The following MALRD1 variants were observed in gnomAD, a reference collection of about 807,000 sequenced individuals.
MALRD1 encodes the protein MAM and LDL receptor class A domain containing 1.
In MALRD1, 247 loss-of-function variants were observed where a neutral mutation model predicts 242.1. The ratio of observed to expected loss-of-function variants is 1.02; its 90% CI spans 0.92 to 1.13. The LOEUF (loss-of-function observed/expected upper bound fraction) is 1.13, where lower values mean the gene tolerates loss of function less well. MALRD1 is among the 50% of genes most tolerant of loss of function. The probability of loss-of-function intolerance (pLI) is 0.00; values close to 1 mark genes in which losing one functional copy is unlikely to be tolerated. For synonymous variants in MALRD1, 995 were observed against 866.6 expected, an observed-to-expected ratio of 1.15 and a Z score of -2.60; for missense variants, 2,989 against 2,533.1, an observed-to-expected ratio of 1.18 and a Z score of -3.86.
intron 36 of MALRD1, among the ~76,000 whole-genome samples, chr10:19,619,623 T>TA (rs1167602339): frequency 3.3e-5 from 5 of 152,034 alleles, no homozygotes; most frequent in Admixed American, 1.3e-4. Context: ...AAGAAAGGAA[T>TA]AAATAATAGC....
chr10:19,629,011 A>G (rs1839799183), intron 36 of MALRD1, among the ~76,000 whole-genome samples: 1 of 152,130 alleles, frequency 6.6e-6, no homozygotes, highest in African/African-American at 2.4e-5. Context: ...CCAGCTCACC[A>G]AGCCTTCTTC....
At chr10:19,709,557 A>T (rs1834015108) in intron 38 of MALRD1, among the ~76,000 whole-genome samples, 1 of 152,192 alleles carries the variant, frequency 6.6e-6, no homozygotes. Flanking sequence ...AATTATTTTA[A>T]GATCCTTTCC....
intron 28 of MALRD1, among the ~76,000 whole-genome samples, chr10:19,414,930 G>C (rs1833451012): frequency 6.6e-6 from 1 of 152,068 alleles, no homozygotes; most frequent in Non-Finnish European, 1.5e-5. Flanking sequence ...TTACAGACAG[G>C]ACCAAATGAT....
At chr10:19,710,396 G>T (rs142758597) in intron 38 of MALRD1, 37 of 152,070 alleles carry the variant, frequency 2.4e-4, no homozygotes, top group African/African-American at 8.0e-4. Flanking sequence ...ATTTCAAAAT[G>T]ATTTCCTTTT....
At chr10:19,458,029 T>G (rs556341012) in intron 29 of MALRD1, among the ~76,000 whole-genome samples, 1 of 152,254 alleles carries the variant, frequency 6.6e-6, no homozygotes, top group Non-Finnish European at 1.5e-5. Flanking sequence ...TTTCTTTACC[T>G]GATTATATAT....
chr10:19,123,109 C>T (rs747588510), intron 5 of MALRD1, among the ~76,000 whole-genome samples: 7 of 152,150 alleles, frequency 4.6e-5, no homozygotes, highest in Non-Finnish European at 1.0e-4. Context: ...TAAGGGGCGC[C>T]ATATCTTGTA....
At chr10:19,058,263 C>A (rs1834724990) in intron 1 of MALRD1, among the ~76,000 whole-genome samples, 1 of 152,188 alleles carries the variant, frequency 6.6e-6, no homozygotes, top group Non-Finnish European at 1.5e-5. Flanking sequence ...TACCAACCAC[C>A]ATACCATGCT....
chr10:19,395,212 A>G (rs1055060770), intron 28 of MALRD1, among the ~76,000 whole-genome samples: 2 of 152,154 alleles, frequency 1.3e-5, no homozygotes, highest in Non-Finnish European at 2.9e-5. Context: ...ATCTCAGTCA[A>G]TTTAGGAAGT....
intron 28 of MALRD1, among the ~76,000 whole-genome samples, chr10:19,390,576 A>G (rs140704163): frequency 4.5e-4 from 69 of 152,280 alleles, no homozygotes; most frequent in Middle Eastern, 6.8e-3. Flanking sequence ...AAGGAGATGT[A>G]TATGTGCACG....
At chr10:19,087,682 T>C (rs1835717948) in intron 2 of MALRD1, among the ~76,000 whole-genome samples, 158 bp from the exon 3 acceptor site, 1 of 152,074 alleles carries the variant, frequency 6.6e-6, no homozygotes, top group Non-Finnish European at 1.5e-5. Flanking sequence ...TAAGCATTGA[T>C]CTTTTATGTT....
At chr10:19,212,702 C>A (rs1837124221) in intron 18 of MALRD1, among the ~76,000 whole-genome samples, 1 of 151,016 alleles carries the variant, frequency 6.6e-6, no homozygotes, top group Non-Finnish European at 1.5e-5. Context: ...TTTTTTTATT[C>A]CCATCAGCAG....
Position 19,390,174 on chromosome 10 carries a change from A to G in MALRD1, c.4845+565A>G, listed in dbSNP as rs534949970. Among the ~76,000 whole-genome samples, 12 of 152,322 alleles carry G rather than the reference A, an allele frequency of 7.9e-5. No homozygotes were observed. In the East Asian group the frequency reaches 2.3e-3, roughly 29 times the overall value. ...ATAGTAATTAATCTAGGACACATAC[A>G]TTTCTTCTTCCTATTTAGTTGTTTC... On this transcript the variant is annotated intron_variant, in intron 28 of 39. Coordinates refer to ENST00000454679, the MANE Select transcript of MALRD1 (RefSeq NM_001142308.3).
At chr10:19,657,926 T>G (rs903653719) in intron 36 of MALRD1, among the ~76,000 whole-genome samples, 1 of 152,076 alleles carries the variant, frequency 6.6e-6, no homozygotes, top group Non-Finnish European at 1.5e-5. Flanking sequence ...GGCGGGTGGA[T>G]CACCTGAGGT....
At chr10:19,283,232 ATC>A in intron 21 of MALRD1, 51 bp downstream of exon 21, 2 of 1,353,294 alleles carry the variant, frequency 1.5e-6, no homozygotes, top group South Asian at 2.0e-5. Context: ...TTTATTAAGC[ATC>A]TCCCAAATTT....
At chr10:19,549,440 ACCACT>A (rs1040464548) in intron 32 of MALRD1, among the ~76,000 whole-genome samples, 2 of 152,142 alleles carry the variant, frequency 1.3e-5, no homozygotes, top group African/African-American at 2.4e-5. Context: ...AATTACCACA[ACCACT>A]CCACCCTTCA....
Position 19,099,763 on chromosome 10 carries a change from A to ATT in MALRD1, c.598-4209_598-4208dup, listed in dbSNP as rs201815577. 5.2e-3 allele frequency among the ~76,000 whole-genome samples: 774 copies of ATT among 149,322 alleles called. 9 individuals carry two copies. The highest frequency in any genetic ancestry group is 0.018 in the African/African-American group (724 of 40,816). ...CTCCATAGAACCTATATATATATAT[A>ATT]TTTTTTTTAATTTTTTTTGCCAGAT... On this transcript the variant is annotated intron_variant, in intron 4 of 39. Coordinates refer to ENST00000454679, the MANE Select transcript of MALRD1 (RefSeq NM_001142308.3).
At chr10:19,437,832 T>C (rs1408087295) in intron 28 of MALRD1, among the ~76,000 whole-genome samples, 1 of 152,158 alleles carries the variant, frequency 6.6e-6, no homozygotes, top group African/African-American at 2.4e-5. Flanking sequence ...ATATTTGGCT[T>C]CTAGAAATCT....
chr10:19,627,071 A>C (rs1839686099), intron 36 of MALRD1, among the ~76,000 whole-genome samples: 1 of 152,134 alleles, frequency 6.6e-6, no homozygotes, highest in South Asian at 2.1e-4. Flanking sequence ...AAATTAGTAT[A>C]AAATAGGTGG....
At chr10:19,505,332 C>T (rs561232873) in intron 31 of MALRD1, among the ~76,000 whole-genome samples, 22 of 152,198 alleles carry the variant, frequency 1.4e-4, no homozygotes, top group African/African-American at 5.3e-4. Context: ...GAGATACGGT[C>T]TTTAAGTAGG....
Sources: allele counts gnomAD v4.1 joint callset (sites outside exome capture counted in the v4.1 genomes callset), GRCh38; gene constraint gnomAD v4.1.1; transcripts MANE v1.5; gene names NCBI Gene and HGNC (gene_info 2026-07-23, HGNC 2026-07-21).